The following COL5A1 variants were observed in gnomAD, a reference collection of about 807,000 sequenced individuals.
COL5A1 encodes collagen alpha-1(V) chain.
A neutral mutation model predicts 263.7 loss-of-function variants in COL5A1; 16 were observed. The ratio of observed to expected loss-of-function variants is 0.06; its 90% CI spans 0.04 to 0.09. The LOEUF is 0.09. Ranked by LOEUF, COL5A1 falls within the 10% of genes least tolerant of loss-of-function variation. The pLI, the probability that COL5A1 is intolerant of heterozygous loss-of-function variation, is 1.00. For missense variants in COL5A1, 2,036 were observed against 2,540.5 expected (o/e 0.80, Z 4.27); for synonymous variants, 1,012 against 1,004.5 (o/e 1.01, Z -0.14).
chr9:134,802,218 C>T (rs1252831960), intron 38 of COL5A1, among the ~76,000 whole-genome samples: 1 of 152,214 alleles, frequency 6.6e-6, no homozygotes, highest in Non-Finnish European at 1.5e-5. Flanking sequence ...AAACCCAACA[C>T]GCAGGGCAAG....
In COL5A1 at chr9:134,691,161, G is replaced by A. The variant is rs116650621; in HGVS notation, c.277+82G>A. 8.0e-4 allele frequency: 1,242 copies of A among 1,561,390 alleles called. 7 individuals carry two copies. The African/African-American group carries it at 0.014, about 18-fold the overall frequency. ...AGCCAGGAGCAGCGCTCAAGCCTGC[G>A]TGGTGGCAGAAGCGGGCTCAGCTTT... On this transcript the variant is annotated intron_variant, in intron 2 of 65. Coordinates refer to ENST00000371817, the MANE Select transcript of COL5A1 (RefSeq NM_000093.5).
intron 26 of COL5A1, 133 bp from the exon 27 acceptor site, chr9:134,774,726 T>G (rs771819289): frequency 5.5e-6 from 5 of 905,708 alleles, no homozygotes; most frequent in Middle Eastern, 3.1e-4. Flanking sequence ...GGGGGGCCTC[T>G]CTGGAGGCTC....
chr9:134,816,987 C>T, intron 52 of COL5A1, 39 bp from the exon 53 acceptor site: 1 of 1,588,920 alleles, frequency 6.3e-7, no homozygotes, highest in Non-Finnish European at 8.6e-7. Context: ...GTCTAACGGG[C>T]CCCAATTCCT....
intron 41 of COL5A1, among the ~76,000 whole-genome samples, chr9:134,805,755 G>A (rs922956227): frequency 1.3e-5 from 2 of 152,092 alleles, no homozygotes; most frequent in Non-Finnish European, 2.9e-5. Flanking sequence ...TGCCCCATGG[G>A]CATGGGGGCC....
chr9:134,809,446 A>T lies in COL5A1; in HGVS notation c.3474+156A>T, dbSNP rs545693329. Among the ~76,000 whole-genome samples the T allele has an allele frequency of 5.9e-5, 9 of 152,168 alleles. No homozygotes were observed. The East Asian group carries it at 1.7e-3, about 29-fold the overall frequency. On this transcript the variant is annotated intron_variant, in intron 43 of 65. Transcript: ENST00000371817. Reference sequence around the variant, plus strand: ...CCCGCAGTCCTGGCATTAGGGGATGATTTCACAGCAGCCCACTGGTAAATG... The same window carrying T: ...CCCGCAGTCCTGGCATTAGGGGATGTTTTCACAGCAGCCCACTGGTAAATG...
At chr9:134,801,172 G>A (rs1211088046) in intron 37 of COL5A1, among the ~76,000 whole-genome samples, 1 of 152,250 alleles carries the variant, frequency 6.6e-6, no homozygotes, top group African/African-American at 2.4e-5. Flanking sequence ...AGATATTCCC[G>A]CTGAATCAAG....
At chr9:134,779,715 T>C (rs1445997757) in intron 27 of COL5A1, among the ~76,000 whole-genome samples, 1 of 152,170 alleles carries the variant, frequency 6.6e-6, no homozygotes, top group Non-Finnish European at 1.5e-5. Flanking sequence ...AAGTCTGCCT[T>C]AGACCTCACC....
rs966725177 is a variant in COL5A1, at chr9:134,789,673, A to G, written c.2700+465A>G. 5.3e-5 allele frequency among the ~76,000 whole-genome samples: 8 copies of G among 152,198 alleles called. No individual in the cohort carries two copies. The highest frequency in any genetic ancestry group is 1.0e-4 in the Non-Finnish European group (7 of 68,030). On this transcript the variant is annotated intron_variant, in intron 32 of 65. Transcript: ENST00000371817. This position sits in a 1 kb window ranked among gnomAD's most constrained non-coding sequence, Gnocchi z 4.8. ...ACTTGGACGGGATTAGCAAGCTGCC[A>G]TTGTCATAAACACCCACCAGCTTGC...
chr9:134,744,412 CAT>C (rs1030099755), intron 11 of COL5A1, among the ~76,000 whole-genome samples: 2 of 152,012 alleles, frequency 1.3e-5, no homozygotes, highest in East Asian at 1.9e-4. Context: ...TATATGCACA[CAT>C]GTACACACCC....
intron 14 of COL5A1, 61 bp downstream of exon 14, chr9:134,752,706 C>A: frequency 7.4e-7 from 1 of 1,349,814 alleles, no homozygotes; most frequent in Non-Finnish European, 1.1e-6. Flanking sequence ...CTCCCTGTGT[C>A]GTTGGCGGAC....
intron 25 of COL5A1, among the ~76,000 whole-genome samples, chr9:134,771,660 G>A (rs538209145): frequency 6.6e-6 from 1 of 152,356 alleles, no homozygotes; most frequent in East Asian, 1.9e-4. Flanking sequence ...TCTAGAAAGA[G>A]TCTCAGATCA....
In COL5A1 at chr9:134,677,857, G is replaced by A. The variant is rs1832723139; in HGVS notation, c.110-13055G>A. On this transcript the variant is annotated intron_variant, in intron 1 of 65. Coordinates refer to ENST00000371817, the MANE Select transcript of COL5A1 (RefSeq NM_000093.5). The surrounding 1 kb of genome is among the most constrained non-coding windows in gnomAD (Gnocchi z 4.4). ...TGCTTTCTCCACAGCTGCCTGGAAC[G>A]CCCCATGGCATGGTTCCACGGGAGG... Among the ~76,000 whole-genome samples, 1 of 152,228 alleles carries A rather than the reference G, an allele frequency of 6.6e-6. No homozygotes were observed. Among genetic ancestry groups the A allele is most frequent in the Admixed American group, 6.5e-5 (1 of 15,286 alleles).
At chr9:134,740,778 C>T (rs117513967) in intron 11 of COL5A1, among the ~76,000 whole-genome samples, 4,511 of 152,262 alleles carry the variant, frequency 0.03, 97 homozygotes, top group Non-Finnish European at 0.044. Flanking sequence ...CTTGTGACAC[C>T]GTGACCTACC....
intron 29 of COL5A1, among the ~76,000 whole-genome samples, chr9:134,784,695 G>T (rs1837385043): frequency 1.3e-5 from 2 of 152,274 alleles, no homozygotes. Context: ...TCAATTTAGA[G>T]AAGGTAATTG....
rs374874057 is a variant in COL5A1, at chr9:134,681,960, CCTCT to C, written c.110-8941_110-8938del. ...CCCTCTCTCTCCCCATCTCTCCCTC[CCTCT>C]CTCTCTCTCTTGCTCTCTGTCTGTC... On this transcript the variant is annotated intron_variant, in intron 1 of 65. Coordinates refer to ENST00000371817, the MANE Select transcript of COL5A1 (RefSeq NM_000093.5). This position sits in a 1 kb window ranked among gnomAD's most constrained non-coding sequence, Gnocchi z 4.3. Among the ~76,000 whole-genome samples, 1 of 150,782 alleles carries C rather than the reference CCTCT, an allele frequency of 6.6e-6. No individual in the cohort carries two copies. The highest frequency in any genetic ancestry group is 1.5e-5 in the Non-Finnish European group (1 of 67,550).
At chr9:134,785,575 C>T (rs1011926475) in intron 30 of COL5A1, among the ~76,000 whole-genome samples, 1 of 152,200 alleles carries the variant, frequency 6.6e-6, no homozygotes, top group Non-Finnish European at 1.5e-5. Flanking sequence ...CACACCCTGG[C>T]TCCACCCTGT....
intron 4 of COL5A1, among the ~76,000 whole-genome samples, chr9:134,705,566 G>A (rs983377933): frequency 7.2e-5 from 11 of 152,332 alleles, no homozygotes; most frequent in South Asian, 6.2e-4. Flanking sequence ...TTGGAGCCCC[G>A]TGTCCTCATC....
At position 134,700,840 on chromosome 9, in the gene COL5A1, GCTCCCAGGGACCACA is replaced by G. The variant is rs1564396835; in HGVS notation, c.492-326_492-312del. Among the ~76,000 whole-genome samples, 2 of 151,894 alleles carry G rather than the reference GCTCCCAGGGACCACA, an allele frequency of 1.3e-5. No homozygotes were observed. Among genetic ancestry groups the G allele is most frequent in the East Asian group, 3.9e-4 (2 of 5,154 alleles). ...GCTGTGACCGCACCGCAGGGACCAC[GCTCCCAGGGACCACA>G]CTCCTGGGTCCCGAGCCAGTGCCGA... On this transcript the variant is annotated intron_variant, in intron 3 of 65. Coordinates refer to ENST00000371817, the MANE Select transcript of COL5A1 (RefSeq NM_000093.5). The surrounding 1 kb of genome is among the most constrained non-coding windows in gnomAD (Gnocchi z 4.0).
chr9:134,748,282 TATATGC>T (rs1434388257), intron 11 of COL5A1, among the ~76,000 whole-genome samples: 2 of 149,376 alleles, frequency 1.3e-5, no homozygotes, highest in Non-Finnish European at 3.0e-5. Flanking sequence ...CCTTTACACA[TATATGC>T]ACATGCACAC....
Sources: gnomAD v4.1 joint callset for allele counts (sites outside exome capture counted in the v4.1 genomes callset) on GRCh38, gnomAD v4.1.1 for gene constraint, Gnocchi (gnomAD v3.1) non-coding constraint, MANE v1.5 for transcripts, NCBI Gene and HGNC (gene_info 2026-07-23, HGNC 2026-07-21) for gene names.